The following CTIF variants were observed in gnomAD, a reference collection of about 807,000 sequenced individuals.
CTIF encodes the protein CBP80/20-dependent translation initiation factor.
CTIF carries 21 observed loss-of-function variants against 66.0 expected under a neutral mutation model. That is an observed-to-expected ratio of 0.32 (90% confidence interval 0.23 to 0.46). The LOEUF is 0.46. CTIF is among the 20% of genes least tolerant of loss of function. The pLI, the probability that CTIF is intolerant of heterozygous loss-of-function variation, is 1.00. For missense variants in CTIF, 739 were observed against 812.7 expected (o/e 0.91, Z 1.10); for synonymous variants, 345 against 326.4 (o/e 1.06, Z -0.62).
intron 6 of CTIF, among the ~76,000 whole-genome samples, chr18:48,690,070 T>G (rs2091903566): frequency 6.6e-6 from 1 of 152,224 alleles, no homozygotes; most frequent in Non-Finnish European, 1.5e-5. Context: ...TTTCTCCCTG[T>G]CCTATAAGAA....
At chr18:48,836,784 C>T (rs1001777275) in intron 10 of CTIF, among the ~76,000 whole-genome samples, 1 of 152,236 alleles carries the variant, frequency 6.6e-6, no homozygotes, top group African/African-American at 2.4e-5. Flanking sequence ...GGCTCTGCTG[C>T]CACCCAAGCT....
At chr18:48,777,723 T>C (rs914254807) in intron 9 of CTIF, among the ~76,000 whole-genome samples, 2 of 152,252 alleles carry the variant, frequency 1.3e-5, no homozygotes, top group Non-Finnish European at 2.9e-5. Flanking sequence ...TTTATGTTCT[T>C]TCTCAAACAG....
At chr18:48,660,604 C>T (rs180877791) in intron 3 of CTIF, among the ~76,000 whole-genome samples, 6 of 152,350 alleles carry the variant, frequency 3.9e-5, no homozygotes, top group South Asian at 4.1e-4. Flanking sequence ...TTGCCCTGCC[C>T]AGTCACCTCC....
chr18:48,763,149 A>G (rs2145901426), intron 9 of CTIF, among the ~76,000 whole-genome samples: 1 of 152,300 alleles, frequency 6.6e-6, no homozygotes, highest in Middle Eastern at 3.4e-3. Context: ...CAGGGGAGTC[A>G]GGGACAGCAT....
Position 48,824,013 on chromosome 18 carries a change from C to CACACACACACAG in CTIF, c.1527+6638_1527+6639insCACACACACAGA, listed in dbSNP as rs139376550. Among the ~76,000 whole-genome samples the CACACACACACAG allele has an allele frequency of 4.3e-3, 635 of 146,744 alleles. 10 individuals carry two copies. Among genetic ancestry groups the CACACACACACAG allele is most frequent in the Middle Eastern group, 6.9e-3 (2 of 290 alleles). On this transcript the variant is annotated intron_variant, in intron 10 of 11. Transcript: ENST00000256413. Reference sequence around the variant, plus strand: ...ACACACACACACACACACACACACACAAACTGCTAGAACTAATAAATGAAT... The same window carrying CACACACACACAG: ...ACACACACACACACACACACACACACACACACACACAGAAACTGCTAGAACTAATAAATGAAT...
At chr18:48,619,843 C>A (rs747622005) in intron 2 of CTIF, 98 bp downstream of exon 2, 1 of 1,230,118 alleles carries the variant, frequency 8.1e-7, no homozygotes, top group Non-Finnish European at 1.1e-6. Flanking sequence ...TGACACTAGA[C>A]CGCCAAGGCA....
chr18:48,569,046 C>G (rs574426713), intron 1 of CTIF, among the ~76,000 whole-genome samples: 219 of 152,258 alleles, frequency 1.4e-3, no homozygotes, highest in African/African-American at 4.7e-3. Flanking sequence ...GTGATTTTTC[C>G]TCTGGCTCTG....
intron 1 of CTIF, among the ~76,000 whole-genome samples, chr18:48,618,493 G>T (rs543984222): frequency 6.6e-6 from 1 of 152,340 alleles, no homozygotes; most frequent in African/African-American, 2.4e-5. Flanking sequence ...AATAAAAGAG[G>T]CACAAGGCAA....
chr18:48,801,053 G>A (rs1439389248), intron 9 of CTIF, among the ~76,000 whole-genome samples: 1 of 152,178 alleles, frequency 6.6e-6, no homozygotes, highest in Non-Finnish European at 1.5e-5. Flanking sequence ...CTAGTCTTCA[G>A]ACCGGATCTC....
chr18:48,770,263 CAGTGAGCTTCCTGCAAAACCA>C (rs1463551687), intron 9 of CTIF, among the ~76,000 whole-genome samples: 1 of 152,246 alleles, frequency 6.6e-6, no homozygotes, highest in Non-Finnish European at 1.5e-5. Flanking sequence ...CCCCAGGGAC[CAGTGAGCTTCCTGCAAAACCA>C]AGTGCCCAGC....
In CTIF at chr18:48,839,493, C is replaced by T. The variant is rs1463746450; in HGVS notation, c.1528-18095C>T. 2.6e-5 allele frequency among the ~76,000 whole-genome samples: 4 copies of T among 152,292 alleles called. No individual in the cohort carries two copies. In the East Asian group the frequency reaches 7.7e-4, roughly 29 times the overall value. On this transcript the variant is annotated intron_variant, in intron 10 of 11. Coordinates refer to ENST00000256413, the MANE Select transcript of CTIF (RefSeq NM_014772.3). ...GTGTGCCAGATACTATCCTAAACAC[C>T]CCACATCCTCTTCTTTAATCCTTGC... is the stretch of plus-strand genomic sequence containing the variant.
chr18:48,824,828 G>T (rs1239984949), intron 10 of CTIF, among the ~76,000 whole-genome samples: 1 of 152,134 alleles, frequency 6.6e-6, no homozygotes, highest in Non-Finnish European at 1.5e-5. Context: ...TTTTGGTAGA[G>T]ACGGGGTTTC....
intron 6 of CTIF, among the ~76,000 whole-genome samples, chr18:48,684,801 TC>T (rs1263392774): frequency 6.6e-6 from 1 of 152,212 alleles, no homozygotes; most frequent in African/African-American, 2.4e-5. Context: ...TTTTCTTAAT[TC>T]CTTGAAGAGT....
chr18:48,579,668 C>T lies in CTIF; in HGVS notation c.-28-39870C>T, dbSNP rs75151744. Among the ~76,000 whole-genome samples the T allele has an allele frequency of 8.7e-3, 1,320 of 152,260 alleles. 16 individuals are homozygous for T. Among genetic ancestry groups the T allele is most frequent in the African/African-American group, 0.03 (1,264 of 41,554 alleles). ...CTCTAGGAAGGCCTGCATTGCCAGC[C>T]CAGAACCTTGACCCTAACTCCCAGG... On this transcript the variant is annotated intron_variant, in intron 1 of 11. Transcript: ENST00000256413.
intron 1 of CTIF, among the ~76,000 whole-genome samples, chr18:48,600,351 A>G (rs1347001380): frequency 3.3e-5 from 5 of 152,008 alleles, no homozygotes; most frequent in Non-Finnish European, 7.4e-5. Flanking sequence ...TATGTGCTTC[A>G]TTTGTGTGTC....
intron 9 of CTIF, among the ~76,000 whole-genome samples, chr18:48,806,368 G>A (rs1599081568): frequency 6.6e-6 from 1 of 152,084 alleles, no homozygotes; most frequent in African/African-American, 2.4e-5. Context: ...TCAAGGAAAA[G>A]AAACTTCCTG....
At chr18:48,632,462 G>A (rs1002370614) in intron 2 of CTIF, among the ~76,000 whole-genome samples, 17 of 152,160 alleles carry the variant, frequency 1.1e-4, no homozygotes, top group African/African-American at 3.4e-4. Flanking sequence ...TTTGCCTGCT[G>A]CTCATCTGTT....
intron 10 of CTIF, among the ~76,000 whole-genome samples, chr18:48,822,511 C>T (rs1195188979): frequency 4.0e-5 from 1 of 24,908 alleles, no homozygotes; most frequent in Non-Finnish European, 8.8e-5. Context: ...CCCCAACACA[C>T]ACACACACAC....
At chr18:48,548,020 C>T (rs556289974) in intron 1 of CTIF, among the ~76,000 whole-genome samples, 27 of 152,260 alleles carry the variant, frequency 1.8e-4, no homozygotes, top group African/African-American at 6.5e-4. Flanking sequence ...TTATTGAGTG[C>T]CTGTTAAATG....
Sources: gnomAD v4.1 joint callset for allele counts (sites outside exome capture counted in the v4.1 genomes callset) on GRCh38, gnomAD v4.1.1 for gene constraint, MANE v1.5 for transcripts, NCBI Gene and HGNC (gene_info 2026-07-23, HGNC 2026-07-21) for gene names.